ERBB4: variants seen among roughly 807,000 people sequenced by gnomAD.
ERBB4 encodes the protein receptor tyrosine-protein kinase erbB-4.
In ERBB4, 42 loss-of-function variants were observed where a neutral mutation model predicts 158.0. The observed-to-expected ratio is 0.27, with a 90% confidence interval of 0.21 to 0.34. ERBB4 has a LOEUF of 0.34. Ranked by LOEUF, ERBB4 falls within the 10% of genes least tolerant of loss-of-function variation. The pLI is 1.00. For missense variants in ERBB4, 1,333 were observed against 1,624.1 expected, an observed-to-expected ratio of 0.82 and a Z score of 3.08; for synonymous variants, 583 against 558.7, an observed-to-expected ratio of 1.04 and a Z score of -0.61.
At chr2:211,715,717 T>C (rs2073873974) in intron 7 of ERBB4, among the ~76,000 whole-genome samples, 1 of 152,146 alleles carries the variant, frequency 6.6e-6, no homozygotes, top group Non-Finnish European at 1.5e-5. Flanking sequence ...ATGGAAGACA[T>C]AATTGCTTCT....
At chr2:212,302,702 A>G (rs1002596530) in intron 1 of ERBB4, among the ~76,000 whole-genome samples, 41 of 151,696 alleles carry the variant, frequency 2.7e-4, no homozygotes, top group African/African-American at 9.4e-4. Context: ...ATAAAATGTT[A>G]TGATCTTCTG....
chr2:211,881,854 G>A (rs2106151991), intron 3 of ERBB4, among the ~76,000 whole-genome samples: 1 of 152,256 alleles, frequency 6.6e-6, no homozygotes, highest in Non-Finnish European at 1.5e-5. Flanking sequence ...TTGTAGCCAT[G>A]AGACAACGAA....
chr2:212,484,328 C>A (rs1689866181), intron 1 of ERBB4, among the ~76,000 whole-genome samples: 1 of 152,110 alleles, frequency 6.6e-6, no homozygotes, highest in South Asian at 2.1e-4. Context: ...CTTGCATGAA[C>A]CAAGTTGCTT....
intron 1 of ERBB4, among the ~76,000 whole-genome samples, chr2:212,254,914 G>A (rs1009404520): frequency 1.3e-5 from 2 of 152,120 alleles, no homozygotes; most frequent in Admixed American, 1.3e-4. Flanking sequence ...TACTCTCTGA[G>A]AAAGTCTAAC....
intron 20 of ERBB4, among the ~76,000 whole-genome samples, chr2:211,483,031 A>C (rs988171362): frequency 1.3e-5 from 2 of 152,162 alleles, no homozygotes; most frequent in Admixed American, 1.3e-4. Flanking sequence ...TTTAAGAAGC[A>C]ATAGACATAG....
At chr2:211,430,863 T>TG (rs1049677045) in intron 21 of ERBB4, 82 bp downstream of exon 21, 1 of 1,164,592 alleles carries the variant, frequency 8.6e-7, no homozygotes, top group African/African-American at 1.5e-5. Flanking sequence ...TCAGGCTTAT[T>TG]GGTTTCTTGT....
At chr2:211,817,698 C>A (rs903590964) in intron 3 of ERBB4, among the ~76,000 whole-genome samples, 1 of 152,044 alleles carries the variant, frequency 6.6e-6, no homozygotes, top group Admixed American at 6.6e-5. Flanking sequence ...AAGTCCTGAT[C>A]ATTGTGAAGT....
chr2:212,028,535 A>T (rs1228590584), intron 2 of ERBB4, among the ~76,000 whole-genome samples: 1 of 152,126 alleles, frequency 6.6e-6, no homozygotes, highest in Admixed American at 6.6e-5. Flanking sequence ...ATAAACTACC[A>T]AAGTACTTTT....
intron 2 of ERBB4, among the ~76,000 whole-genome samples, chr2:211,954,770 T>C (rs1229825445): frequency 2.0e-5 from 3 of 152,076 alleles, no homozygotes. Flanking sequence ...AAGCTTTCCA[T>C]TAAATTTCCC....
chr2:212,142,938 T>C (rs147767667), intron 1 of ERBB4, among the ~76,000 whole-genome samples: 4 of 151,894 alleles, frequency 2.6e-5, no homozygotes, highest in African/African-American at 9.6e-5. Context: ...GGAACATCTT[T>C]TTTTTTTTTC....
At chr2:212,318,058 A>C (rs1319203437) in intron 1 of ERBB4, among the ~76,000 whole-genome samples, 1 of 151,630 alleles carries the variant, frequency 6.6e-6, no homozygotes, top group Non-Finnish European at 1.5e-5. Flanking sequence ...CCATAGGCTA[A>C]GTGTTTTATT....
intron 4 of ERBB4, among the ~76,000 whole-genome samples, chr2:211,770,281 T>C (rs1386860799): frequency 6.6e-6 from 1 of 152,196 alleles, no homozygotes; most frequent in East Asian, 1.9e-4. Context: ...CAAAGTTAAT[T>C]CCACCTTATT....
At chr2:212,121,555 T>C (rs1001447519) in intron 2 of ERBB4, among the ~76,000 whole-genome samples, 1 of 152,178 alleles carries the variant, frequency 6.6e-6, no homozygotes, top group Non-Finnish European at 1.5e-5. Flanking sequence ...CTCTTTTTAA[T>C]CTCCATTGAC....
intron 5 of ERBB4, among the ~76,000 whole-genome samples, chr2:211,740,671 C>T (rs1297703583): frequency 3.8e-5 from 5 of 129,982 alleles, no homozygotes; most frequent in Non-Finnish European, 3.1e-5. Flanking sequence ...TCTGTCGCGG[C>T]GTGATCTTGG....
chr2:212,120,608 A>G (rs2079718180), intron 2 of ERBB4, among the ~76,000 whole-genome samples: 1 of 152,210 alleles, frequency 6.6e-6, no homozygotes, highest in Non-Finnish European at 1.5e-5. Context: ...TACAAAATAA[A>G]ACAAATGCCA....
Position 211,627,303 on chromosome 2 carries a change from C to T in ERBB4, c.2079+3159G>A, listed in dbSNP as rs373581117. Among the ~76,000 whole-genome samples, 14 of 152,350 alleles carry T rather than the reference C, an allele frequency of 9.2e-5. No individual in the cohort carries two copies. The East Asian group carries it at 2.7e-3, about 29-fold the overall frequency. On this transcript the variant is annotated intron_variant, in intron 17 of 27. Coordinates refer to ENST00000342788, the MANE Select transcript of ERBB4 (RefSeq NM_005235.3). ...ACAAAGCACATGTGTTGTGTCCAAA[C>T]TTTCATTCACATGTGCAAGATTGAA...
At chr2:211,697,042 G>C (rs1339647013) in intron 12 of ERBB4, among the ~76,000 whole-genome samples, 1 of 152,146 alleles carries the variant, frequency 6.6e-6, no homozygotes, top group Non-Finnish European at 1.5e-5. Context: ...CAGGCATTGG[G>C]TTCAAATCCT....
intron 1 of ERBB4, among the ~76,000 whole-genome samples, chr2:212,533,502 T>C (rs1692868898): frequency 6.6e-6 from 1 of 152,210 alleles, no homozygotes; most frequent in Non-Finnish European, 1.5e-5. Flanking sequence ...CTACGTCCCA[T>C]GTCCCATTTA....
At chr2:211,482,434 G>A (rs1040551825) in intron 20 of ERBB4, among the ~76,000 whole-genome samples, 2 of 152,112 alleles carry the variant, frequency 1.3e-5, no homozygotes, top group Non-Finnish European at 2.9e-5. Context: ...TTTTTTAAAA[G>A]CAAGACCTGA....
Sources: gnomAD v4.1 joint callset for allele counts (sites outside exome capture counted in the v4.1 genomes callset) on GRCh38, gnomAD v4.1.1 for gene constraint, MANE v1.5 for transcripts, NCBI Gene and HGNC (gene_info 2026-07-23, HGNC 2026-07-21) for gene names.